Variants in COA1 observed in about 807,000 individuals in gnomAD.
The protein encoded by COA1 is cytochrome c oxidase assembly factor 1.
COA1 carries 13 observed loss-of-function variants against 16.0 expected under a neutral mutation model. That is an observed-to-expected ratio of 0.81 (90% CI 0.53 to 1.29). COA1 has a LOEUF of 1.29. Among genes scored for constraint, COA1 ranks in the 50% most tolerant of loss-of-function variants. COA1 has a pLI of 0.00. For synonymous variants in COA1, 65 were observed against 65.7 expected (o/e 0.99, Z 0.05); for missense variants, 179 against 177.0 (o/e 1.01, Z -0.06).
chr7:43,648,685 T>C, intron 1 of COA1, 33 bp from the exon 2 acceptor site: 3 of 1,542,556 alleles, frequency 1.9e-6, no homozygotes, highest in South Asian at 1.1e-5. Flanking sequence ...ATTAAAATCA[T>C]ATTTTTAAAG....
At chr7:43,677,401 A>C (rs75706605) in intron 1 of COA1, among the ~76,000 whole-genome samples, 6,011 of 152,322 alleles carry the variant, frequency 0.039, 399 homozygotes, top group African/African-American at 0.14. Context: ...AAAAGGAAAA[A>C]TTATTATTTA....
chr7:43,715,094 A>T (rs2095359443), intron 1 of COA1, among the ~76,000 whole-genome samples: 1 of 151,896 alleles, frequency 6.6e-6, no homozygotes, highest in Admixed American at 6.6e-5. Flanking sequence ...GAAAGATAAT[A>T]CTGTATTTAG....
chr7:43,722,288 T>C (rs371274321), intron 1 of COA1, among the ~76,000 whole-genome samples: 31 of 151,942 alleles, frequency 2.0e-4, no homozygotes, highest in African/African-American at 7.5e-4. Context: ...AGAGATGGGG[T>C]TTCGCCACTT....
intron 1 of COA1, among the ~76,000 whole-genome samples, chr7:43,686,190 A>G (rs1046413387): frequency 2.6e-5 from 4 of 152,224 alleles, no homozygotes; most frequent in Non-Finnish European, 5.9e-5. Context: ...CAATTAACAT[A>G]AACAACCAAA....
At chr7:43,683,331 C>A (rs564977659) in intron 1 of COA1, among the ~76,000 whole-genome samples, 1 of 152,144 alleles carries the variant, frequency 6.6e-6, no homozygotes, top group East Asian at 1.9e-4. Flanking sequence ...TAACTATGCT[C>A]CCAAAAACAT....
intron 1 of COA1, among the ~76,000 whole-genome samples, chr7:43,682,477 G>A (rs1426877903): frequency 1.3e-5 from 2 of 152,102 alleles, no homozygotes; most frequent in Admixed American, 6.5e-5. Flanking sequence ...AAAATGTCAC[G>A]GTGACAGGTA....
At chr7:43,664,276 C>T (rs952953343) in intron 1 of COA1, among the ~76,000 whole-genome samples, 8 of 152,114 alleles carry the variant, frequency 5.3e-5, no homozygotes, top group Non-Finnish European at 1.2e-4. Flanking sequence ...ACACCACACC[C>T]GGCTCCATTA....
At chr7:43,710,348 CAAAAAAAA>C (rs1165121530) in intron 1 of COA1, among the ~76,000 whole-genome samples, 23 of 52,446 alleles carry the variant, frequency 4.4e-4, no homozygotes, top group Admixed American at 1.1e-3. Context: ...GACTCTGTCT[CAAAAAAAA>C]AAAAAAAAAA....
rs2095601524 is a variant in COA1, at chr7:43,725,645, G to A, written c.-39+3784C>T. Reference sequence around the variant, plus strand: ...AGGCCGAGGCGGTGGATCACCTGAGGTCAGGAGTTCCAGACCAACCTAGCC... The same window carrying A: ...AGGCCGAGGCGGTGGATCACCTGAGATCAGGAGTTCCAGACCAACCTAGCC... On this transcript the variant is annotated intron_variant, in intron 1 of 5. Coordinates refer to ENST00000223336, the MANE Select transcript of COA1 (RefSeq NM_018224.4). Among the ~76,000 whole-genome samples, 3 of 152,132 alleles carry A rather than the reference G, an allele frequency of 2.0e-5. No homozygotes were observed. In the South Asian group the frequency reaches 6.2e-4, roughly 32 times the overall value.
At chr7:43,638,277 A>G (rs2086245880), downstream of COA1, among the ~76,000 whole-genome samples, 1 of 150,402 alleles carries the variant, frequency 6.6e-6, no homozygotes, top group Non-Finnish European at 1.5e-5. Flanking sequence ...TTAAGAATGT[A>G]GGAAGAGAGC....
At chr7:43,664,477 T>C (rs901246130) in intron 1 of COA1, among the ~76,000 whole-genome samples, 7 of 152,224 alleles carry the variant, frequency 4.6e-5, no homozygotes, top group South Asian at 4.1e-4. Context: ...TAAAGAAATA[T>C]AGAATATAAA....
chr7:43,657,400 G>A (rs1019615422), intron 1 of COA1: 2 of 152,138 alleles, frequency 1.3e-5, no homozygotes, highest in African/African-American at 4.8e-5. Flanking sequence ...TGAAAATTAT[G>A]GTAAAAATCT....
rs1023515495 is a variant in COA1 at position 43,648,784 on chromosome 7, C to T, written c.-38-132G>A. On this transcript the variant is annotated intron_variant, in intron 1 of 5. Coordinates refer to ENST00000223336, the MANE Select transcript of COA1 (RefSeq NM_018224.4). ...AAGAAGTTAAAATTAAACTCTAAAA[C>T]AAGCCTTGTCTGTGAAAGGCCCTGG... The T allele has an allele frequency of 2.4e-5, 16 of 659,322 alleles. No homozygotes were observed. The East Asian group carries it at 4.4e-4, about 18-fold the overall frequency. The allele number at this position is 659,322 out of a possible 1,614,324, so 40.8% of individuals were successfully genotyped here.
At chr7:43,662,735 T>G (rs1319809462) in intron 1 of COA1, among the ~76,000 whole-genome samples, 1 of 152,186 alleles carries the variant, frequency 6.6e-6, no homozygotes, top group Non-Finnish European at 1.5e-5. Flanking sequence ...GAATAAATAT[T>G]TTTTCAGTTC....
intron 4 of COA1, 149 bp downstream of exon 4, chr7:43,645,102 A>G (rs1484944170): frequency 7.3e-6 from 3 of 409,694 alleles, no homozygotes; most frequent in Non-Finnish European, 1.3e-5. Flanking sequence ...AATCCATAAT[A>G]GAAAAACTTT....
chr7:43,696,994 C>T (rs984063379), intron 1 of COA1, among the ~76,000 whole-genome samples: 1 of 151,874 alleles, frequency 6.6e-6, no homozygotes, highest in East Asian at 1.9e-4. Flanking sequence ...CATGGTGACA[C>T]ACGCCTGTAG....
chr7:43,674,430 G>A (rs906550464), intron 1 of COA1, among the ~76,000 whole-genome samples: 6 of 152,216 alleles, frequency 3.9e-5, no homozygotes, highest in Admixed American at 3.3e-4. Flanking sequence ...CGTTTGGCAA[G>A]TGGTAAGCAT....
intron 1 of COA1, among the ~76,000 whole-genome samples, chr7:43,677,631 T>G (rs949473958): frequency 1.3e-5 from 2 of 152,088 alleles, no homozygotes; most frequent in Non-Finnish European, 2.9e-5. Flanking sequence ...AAACCCCACC[T>G]CTACTAAAAA....
chr7:43,646,708 T>C (rs2089406269), intron 3 of COA1: 3 of 437,274 alleles, frequency 6.9e-6, no homozygotes, highest in South Asian at 3.2e-5. Flanking sequence ...GTCTGAATCA[T>C]TCCTGGGAAC....
Sources: gnomAD v4.1 joint callset for allele counts (sites outside exome capture counted in the v4.1 genomes callset) on GRCh38, gnomAD v4.1.1 for gene constraint, MANE v1.5 for transcripts, NCBI Gene and HGNC (gene_info 2026-07-23, HGNC 2026-07-21) for gene names.